The following RPS6KA2 variants were observed in gnomAD, a reference collection of about 807,000 sequenced individuals.
The protein encoded by RPS6KA2 is ribosomal protein S6 kinase alpha-2.
A neutral mutation model predicts 91.8 loss-of-function variants in RPS6KA2; 42 were observed. That is an observed-to-expected ratio of 0.46 (90% CI 0.36 to 0.59). The LOEUF (loss-of-function observed/expected upper bound fraction) is 0.59. RPS6KA2 is among the 20% of genes least tolerant of loss of function. The pLI, the probability that RPS6KA2 is intolerant of heterozygous loss-of-function variation, is 0.00. For synonymous variants in RPS6KA2, 414 were observed against 393.6 expected (o/e 1.05, Z -0.61); for missense variants, 798 against 978.5 (o/e 0.82, Z 2.46).
chr6:166,837,778 A>G (rs77111117), intron 2 of RPS6KA2, among the ~76,000 whole-genome samples: 3,239 of 152,312 alleles, frequency 0.021, 118 homozygotes, highest in African/African-American at 0.073. Flanking sequence ...TTCCCAGATG[A>G]CCTGGCTGGG....
chr6:166,830,964 C>G (rs1395973937), intron 2 of RPS6KA2, among the ~76,000 whole-genome samples: 3 of 152,196 alleles, frequency 2.0e-5, no homozygotes, highest in Non-Finnish European at 4.4e-5. Context: ...CTCCCTTGGG[C>G]TGGGTCACAC....
At chr6:166,747,398 C>A (rs1256690668) in intron 2 of RPS6KA2, among the ~76,000 whole-genome samples, 1 of 152,226 alleles carries the variant, frequency 6.6e-6, no homozygotes, top group Admixed American at 6.5e-5. Context: ...AGCACTCAAC[C>A]ATAATGGAAG....
intron 1 of RPS6KA2, among the ~76,000 whole-genome samples, chr6:166,558,363 C>T (rs1784237767): frequency 6.6e-6 from 1 of 152,220 alleles, no homozygotes; most frequent in African/African-American, 2.4e-5. Context: ...TCTGTTCAGA[C>T]TTTGGCTGGT....
At chr6:166,536,094 A>T (rs1783468619) in intron 2 of RPS6KA2, among the ~76,000 whole-genome samples, 1 of 152,250 alleles carries the variant, frequency 6.6e-6, no homozygotes, top group South Asian at 2.1e-4. Context: ...ACTGCATGTC[A>T]TCCATTTCTG....
In RPS6KA2 at chr6:166,821,522, C is replaced by T. The variant is rs1042186938; in HGVS notation, c.123+36678G>A. On this transcript the variant is annotated intron_variant, in intron 2 of 21. Transcript: ENST00000503859. The surrounding 1 kb of genome is among the most constrained non-coding windows in gnomAD (Gnocchi z 4.1). Reference sequence around the variant, plus strand: ...GTCAGTCTCCATCCTTAGCCTGGCACGGGTCTGCCCTGTCCATGTGCATCC... The same window carrying T: ...GTCAGTCTCCATCCTTAGCCTGGCATGGGTCTGCCCTGTCCATGTGCATCC... 5.9e-5 allele frequency among the ~76,000 whole-genome samples: 9 copies of T among 152,198 alleles called. No homozygotes were observed. Among genetic ancestry groups the T allele is most frequent in the Admixed American group, 1.3e-4 (2 of 15,290 alleles).
At chr6:166,424,557 A>G (rs1778842095) in intron 16 of RPS6KA2, among the ~76,000 whole-genome samples, 1 of 152,244 alleles carries the variant, frequency 6.6e-6, no homozygotes, top group South Asian at 2.1e-4. Context: ...TGGGACCAAG[A>G]GCACTGCCTG....
At position 166,666,799 on chromosome 6, in the gene RPS6KA2, T is replaced by G. The variant is rs1399661675; in HGVS notation, c.124-128015A>C. Among the ~76,000 whole-genome samples, 3 of 152,204 alleles carry G rather than the reference T, an allele frequency of 2.0e-5. No individual in the cohort carries two copies. The highest frequency in any genetic ancestry group is 2.0e-4 in the Admixed American group (3 of 15,276). Reference sequence around the variant, plus strand: ...CCCAAAAAGAATGGAAAGCAGAGCCTCAAAGAGACATTTGTACACTCACAT... The same window carrying G: ...CCCAAAAAGAATGGAAAGCAGAGCCGCAAAGAGACATTTGTACACTCACAT... On this transcript the variant is annotated intron_variant, in intron 2 of 21. Transcript: ENST00000503859. The surrounding 1 kb of genome is among the most constrained non-coding windows in gnomAD (Gnocchi z 4.0).
At chr6:166,837,037 A>G (rs925656895) in intron 2 of RPS6KA2, among the ~76,000 whole-genome samples, 1 of 152,140 alleles carries the variant, frequency 6.6e-6, no homozygotes, top group Non-Finnish European at 1.5e-5. Context: ...CTGCACCCTC[A>G]GCGCTGAGCA....
chr6:166,678,094 C>T (rs1788668032), intron 2 of RPS6KA2, among the ~76,000 whole-genome samples: 1 of 152,118 alleles, frequency 6.6e-6, no homozygotes, highest in Non-Finnish European at 1.5e-5. Flanking sequence ...GGTATGGATC[C>T]ACACCTGTGC....
chr6:166,798,817 A>T (rs1779289372), intron 2 of RPS6KA2, among the ~76,000 whole-genome samples: 1 of 151,652 alleles, frequency 6.6e-6, no homozygotes, highest in African/African-American at 2.4e-5. Context: ...CCCATCCCAA[A>T]CCCCTCTCCA....
chr6:166,627,171 C>G lies in RPS6KA2; in HGVS notation c.-152G>C. 2.6e-5 allele frequency: 28 copies of G among 1,086,214 alleles called. No homozygotes were observed. The highest frequency in any genetic ancestry group is 3.1e-5 in the Non-Finnish European group (28 of 896,296). The allele number at this position is 1,086,214 out of a possible 1,614,324, so 67.3% of individuals were successfully genotyped here. A position where few individuals can be genotyped will look rare whatever the true frequency, so the allele number is the denominator to read the frequency against. ...CGGGGCGTGGGGCGCGAGCTGCGGTCACAAAGGGCAGGCCGCGCCGGCCAC... is the reference window on the plus strand; with the variant it reads ...CGGGGCGTGGGGCGCGAGCTGCGGTGACAAAGGGCAGGCCGCGCCGGCCAC... On this transcript the variant is annotated 5_prime_UTR_variant, in exon 1 of 21. Coordinates refer to ENST00000265678, the MANE Select transcript of RPS6KA2 (RefSeq NM_021135.6).
rs115837688 is a variant in RPS6KA2, at chr6:166,813,542, G to A, written c.123+44658C>T. ...ACAGAAGTGGATTGTCTTGCATTCT[G>A]GATGCTAGAACCCTAAAATCAATGT... On this transcript the variant is annotated intron_variant, in intron 2 of 21. Transcript: ENST00000503859. 2.7e-3 allele frequency among the ~76,000 whole-genome samples: 404 copies of A among 152,286 alleles called. 5 individuals carry two copies. The highest frequency in any genetic ancestry group is 9.2e-3 in the African/African-American group (381 of 41,560).
At chr6:166,600,394 G>A (rs200126648) in intron 1 of RPS6KA2, among the ~76,000 whole-genome samples, 5 of 152,208 alleles carry the variant, frequency 3.3e-5, no homozygotes, top group East Asian at 1.9e-4. Context: ...TGTTTAGCCA[G>A]GCAATGCCTG....
intron 3 of RPS6KA2, among the ~76,000 whole-genome samples, chr6:166,516,343 A>C (rs956785898): frequency 6.6e-6 from 1 of 152,336 alleles, no homozygotes; most frequent in East Asian, 1.9e-4. Context: ...TGGAGTCAGA[A>C]AGATTTCTCT....
chr6:166,616,192 T>C (rs1292740919), intron 1 of RPS6KA2, among the ~76,000 whole-genome samples: 3 of 152,196 alleles, frequency 2.0e-5, no homozygotes, highest in Non-Finnish European at 4.4e-5. Flanking sequence ...GGTCAGACCC[T>C]GTAAGGCAGA....
At chr6:166,689,970 A>G (rs1478589663) in intron 2 of RPS6KA2, among the ~76,000 whole-genome samples, 1 of 152,240 alleles carries the variant, frequency 6.6e-6, no homozygotes, top group Non-Finnish European at 1.5e-5. Context: ...GCTGTGGCCA[A>G]GGAGTCCACA....
intron 2 of RPS6KA2, among the ~76,000 whole-genome samples, chr6:166,741,743 C>A (rs1292731286): frequency 6.6e-6 from 1 of 152,196 alleles, no homozygotes; most frequent in Non-Finnish European, 1.5e-5. Context: ...GGACAGAAAC[C>A]CCAGAAAATT....
At chr6:166,618,856 G>A (rs935876670) in intron 1 of RPS6KA2, among the ~76,000 whole-genome samples, 11 of 152,216 alleles carry the variant, frequency 7.2e-5, no homozygotes, top group Admixed American at 1.3e-4. Flanking sequence ...AGTACGACGC[G>A]CTCAGGAAGA....
At chr6:166,601,868 G>A (rs1785742456) in intron 1 of RPS6KA2, among the ~76,000 whole-genome samples, 1 of 152,082 alleles carries the variant, frequency 6.6e-6, no homozygotes. Context: ...AGCATATAAT[G>A]TAAAGAAAAG....
Sources: allele counts gnomAD v4.1 joint callset (sites outside exome capture counted in the v4.1 genomes callset), GRCh38; gene constraint gnomAD v4.1.1; non-coding constraint Gnocchi (gnomAD v3.1); transcripts MANE v1.5; gene names NCBI Gene and HGNC (gene_info 2026-07-23, HGNC 2026-07-21).